Variants in CHSY3 observed in about 807,000 individuals in gnomAD.
The protein encoded by CHSY3 is chondroitin sulfate synthase 3.
Under a neutral mutation model 67.2 loss-of-function variants are expected in CHSY3, and 35 were observed. The ratio of observed to expected loss-of-function variants is 0.52; its 90% confidence interval spans 0.40 to 0.69. CHSY3 has a LOEUF of 0.69. Among genes scored for constraint, CHSY3 ranks in the 30% least tolerant of loss-of-function variants. The pLI, the probability that CHSY3 is intolerant of heterozygous loss-of-function variation, is 0.00. For synonymous variants in CHSY3, 474 were observed against 434.7 expected, an observed-to-expected ratio of 1.09 and a Z score of -1.12; for missense variants, 1,069 against 1,138.5, an observed-to-expected ratio of 0.94 and a Z score of 0.88.
chr5:129,932,180 A>G (rs1761339111), intron 2 of CHSY3, among the ~76,000 whole-genome samples: 1 of 145,456 alleles, frequency 6.9e-6, no homozygotes, highest in Non-Finnish European at 1.5e-5. Context: ...AGTCTCTGAT[A>G]GTTTTTTTTT....
intron 2 of CHSY3, among the ~76,000 whole-genome samples, chr5:130,125,069 T>G (rs1478878765): frequency 6.6e-6 from 1 of 152,134 alleles, no homozygotes; most frequent in Non-Finnish European, 1.5e-5. Context: ...TTGCTTGAGC[T>G]CGGGAGTTCT....
At chr5:130,037,750 T>G (rs1033361744) in intron 2 of CHSY3, among the ~76,000 whole-genome samples, 2 of 152,092 alleles carry the variant, frequency 1.3e-5, no homozygotes, top group Non-Finnish European at 2.9e-5. Flanking sequence ...GCAATATTCC[T>G]CAAAGTGCCT....
chr5:129,949,125 G>A lies in CHSY3; in HGVS notation c.1086+40765G>A, dbSNP rs1048655957. 3.3e-5 allele frequency among the ~76,000 whole-genome samples: 5 copies of A among 152,104 alleles called. 1 individual carries two copies. Among genetic ancestry groups the A allele is most frequent in the Admixed American group, 2.0e-4 (3 of 15,268 alleles). ...ATGTATATATGCAGCTAACACTGGT[G>A]CTCCCAAATTTATAAAACAATTAGT... On this transcript the variant is annotated intron_variant, in intron 2 of 2. Transcript: ENST00000305031.
At chr5:130,091,612 C>T (rs925868077) in intron 2 of CHSY3, among the ~76,000 whole-genome samples, 1 of 152,100 alleles carries the variant, frequency 6.6e-6, no homozygotes, top group Non-Finnish European at 1.5e-5. Flanking sequence ...TTCTAGGTTC[C>T]TCATCTGTAG....
chr5:130,061,226 G>A (rs1765702886), intron 2 of CHSY3, among the ~76,000 whole-genome samples: 1 of 152,056 alleles, frequency 6.6e-6, no homozygotes, highest in Admixed American at 6.6e-5. Context: ...TTTGATCAAT[G>A]GATCAGAATG....
chr5:130,041,456 A>G (rs1265720160), intron 2 of CHSY3, among the ~76,000 whole-genome samples: 1 of 152,080 alleles, frequency 6.6e-6, no homozygotes, highest in East Asian at 1.9e-4. Context: ...ACCCTATTAC[A>G]TTAGTAATAT....
At chr5:130,039,449 C>A (rs1347561969) in intron 2 of CHSY3, among the ~76,000 whole-genome samples, 1 of 152,102 alleles carries the variant, frequency 6.6e-6, no homozygotes, top group Non-Finnish European at 1.5e-5. Flanking sequence ...TATGATCATG[C>A]CACTGCACTC....
At chr5:130,064,661 C>T (rs529377504) in intron 2 of CHSY3, among the ~76,000 whole-genome samples, 23 of 152,120 alleles carry the variant, frequency 1.5e-4, no homozygotes, top group Non-Finnish European at 3.2e-4. Flanking sequence ...CTGCATATGC[C>T]TGACTCTTTA....
chr5:130,107,911 T>C (rs1767462884), intron 2 of CHSY3, among the ~76,000 whole-genome samples: 1 of 151,716 alleles, frequency 6.6e-6, no homozygotes, highest in Non-Finnish European at 1.5e-5. Context: ...GGGGTTATAT[T>C]TGCTTCAGTG....
chr5:129,911,083 G>A (rs948990025), intron 2 of CHSY3, among the ~76,000 whole-genome samples: 3 of 150,864 alleles, frequency 2.0e-5, no homozygotes, highest in African/African-American at 7.3e-5. Flanking sequence ...AATAGATGAA[G>A]TGTTCATGAT....
intron 2 of CHSY3, among the ~76,000 whole-genome samples, chr5:130,058,572 G>A (rs1410051488): frequency 6.6e-6 from 1 of 152,226 alleles, no homozygotes; most frequent in Non-Finnish European, 1.5e-5. Flanking sequence ...GTTGCAGTGT[G>A]CCAAGATTGC....
At chr5:130,107,467 A>G (rs1196718536) in intron 2 of CHSY3, among the ~76,000 whole-genome samples, 2 of 151,188 alleles carry the variant, frequency 1.3e-5, no homozygotes, top group Admixed American at 1.3e-4. Flanking sequence ...GTGTTCGTCT[A>G]TATATATACT....
chr5:129,967,644 A>G (rs1762508398), intron 2 of CHSY3, among the ~76,000 whole-genome samples: 1 of 151,864 alleles, frequency 6.6e-6, no homozygotes, highest in Non-Finnish European at 1.5e-5. Context: ...TTAAGCCTTT[A>G]TCTGCATCTC....
At chr5:129,957,962 G>A (rs1240764821) in intron 2 of CHSY3, among the ~76,000 whole-genome samples, 1 of 151,648 alleles carries the variant, frequency 6.6e-6, no homozygotes, top group Non-Finnish European at 1.5e-5. Flanking sequence ...TTGATCCTCT[G>A]TCTGTTTTAT....
At chr5:130,036,452 A>C (rs1764865505) in intron 2 of CHSY3, among the ~76,000 whole-genome samples, 1 of 152,182 alleles carries the variant, frequency 6.6e-6, no homozygotes, top group African/African-American at 2.4e-5. Context: ...TTTCAATGAC[A>C]TTGGGCTTGG....
intron 2 of CHSY3, among the ~76,000 whole-genome samples, chr5:130,117,356 T>G (rs1240321683): frequency 1.3e-5 from 2 of 152,224 alleles, no homozygotes; most frequent in South Asian, 4.1e-4. Context: ...TTCCAGACCA[T>G]TTAGTTTATA....
At chr5:129,997,864 A>G (rs1763591975) in intron 2 of CHSY3, among the ~76,000 whole-genome samples, 1 of 152,180 alleles carries the variant, frequency 6.6e-6, no homozygotes, top group African/African-American at 2.4e-5. Flanking sequence ...GCTGCATAGT[A>G]TTCCATGGTG....
chr5:129,999,833 A>G (rs1057109556), intron 2 of CHSY3, among the ~76,000 whole-genome samples: 12 of 152,148 alleles, frequency 7.9e-5, no homozygotes, highest in African/African-American at 2.4e-4. Flanking sequence ...CTGCAAGATA[A>G]TGTGACAAAA....
At chr5:130,177,693 T>C (rs1465373857) in intron 2 of CHSY3, among the ~76,000 whole-genome samples, 1 of 152,174 alleles carries the variant, frequency 6.6e-6, no homozygotes, top group Non-Finnish European at 1.5e-5. Context: ...GCCTCAAGGC[T>C]CTAAAATTTC....
Sources: allele counts gnomAD v4.1 joint callset (sites outside exome capture counted in the v4.1 genomes callset), GRCh38; gene constraint gnomAD v4.1.1; transcripts MANE v1.5; gene names NCBI Gene and HGNC (gene_info 2026-07-23, HGNC 2026-07-21).